CLIC2: variants seen among roughly 807,000 people sequenced by gnomAD.
The protein encoded by CLIC2 is chloride intracellular channel protein 2.
Under a neutral mutation model 14.8 loss-of-function variants are expected in CLIC2, and 9 were observed. The observed-to-expected ratio is 0.61, with a 90% confidence interval of 0.37 to 1.06. The LOEUF (loss-of-function observed/expected upper bound fraction) is 1.06. Among genes scored for constraint, CLIC2 ranks in the 50% least tolerant of loss-of-function variants. The pLI is 0.01. For synonymous variants in CLIC2, 61 were observed against 66.3 expected (o/e 0.92, Z 0.39); for missense variants, 148 against 181.4 (o/e 0.82, Z 1.06).
rs985062069 is a variant in CLIC2 at position 155,278,523 on chromosome X, G to A, written c.583-459C>T. On this transcript the variant is annotated intron_variant, in intron 5 of 5. Transcript: ENST00000369449. ...TTGGTTATTCCCTATTATGATCTAG[G>A]CACTGTTCTAAGCATTTTAAATGCT... Among the ~76,000 whole-genome samples, 45 of 112,110 alleles carry A rather than the reference G, an allele frequency of 4.0e-4. 1 individual carries two copies. Among genetic ancestry groups the A allele is most frequent in the African/African-American group, 1.4e-3 (42 of 30,882 alleles).
chrX:155,302,937 C>T (rs1340056522), intron 1 of CLIC2, among the ~76,000 whole-genome samples: 1 of 89,664 alleles, frequency 1.1e-5, no homozygotes, highest in East Asian at 3.7e-4. Context: ...GCACTGTGGT[C>T]TGAGAGATAG....
chrX:155,310,704 C>T (rs1178168557), intron 1 of CLIC2, among the ~76,000 whole-genome samples: 1 of 112,481 alleles, frequency 8.9e-6, no homozygotes, highest in Non-Finnish European at 1.9e-5. Flanking sequence ...CCCCACATTT[C>T]CCTTCCATAC....
intron 3 of CLIC2, among the ~76,000 whole-genome samples, chrX:155,297,746 C>G (rs1199742901): frequency 1.0e-5 from 1 of 98,928 alleles, no homozygotes; most frequent in Non-Finnish European, 2.0e-5. Flanking sequence ...CCCAGCTACT[C>G]GGGAGGCTGA....
intron 1 of CLIC2, among the ~76,000 whole-genome samples, chrX:155,332,268 A>G (rs1489908221): frequency 1.8e-5 from 2 of 111,700 alleles, no homozygotes; most frequent in Non-Finnish European, 3.8e-5. Context: ...ATGCCTTTTA[A>G]AAATTACTCA....
chrX:155,325,766 ATAT>A (rs1407186487), intron 1 of CLIC2, among the ~76,000 whole-genome samples: 62 of 17,251 alleles, frequency 3.6e-3, no homozygotes, highest in African/African-American at 0.024. Flanking sequence ...AATGTGATAT[ATAT>A]ATATATATAT....
intron 3 of CLIC2, among the ~76,000 whole-genome samples, chrX:155,282,725 A>G (rs1364619489): frequency 9.0e-6 from 1 of 110,874 alleles, no homozygotes; most frequent in Non-Finnish European, 1.9e-5. Flanking sequence ...CCTCTCCATC[A>G]CAAGACTAGC....
At chrX:155,299,194 T>A (rs782029089) in intron 1 of CLIC2, 49 bp from the exon 2 acceptor site, 2 of 985,070 alleles carry the variant, frequency 2.0e-6, no homozygotes, top group South Asian at 3.8e-5. Flanking sequence ...TCAATAAGTA[T>A]GTATTTAGTT....
At chrX:155,311,440 C>G (rs2075074068) in intron 1 of CLIC2, among the ~76,000 whole-genome samples, 1 of 111,534 alleles carries the variant, frequency 9.0e-6, no homozygotes, top group Non-Finnish European at 1.9e-5. Context: ...CCAGCAAGTT[C>G]CTCATCTCCA....
intron 3 of CLIC2, among the ~76,000 whole-genome samples, chrX:155,284,121 C>G (rs1224474566): frequency 1.8e-5 from 2 of 111,336 alleles, no homozygotes; most frequent in African/African-American, 6.5e-5. Flanking sequence ...CTAGTCTTCT[C>G]AGTTCTTTTG....
intron 3 of CLIC2, among the ~76,000 whole-genome samples, chrX:155,282,037 TC>T (rs1429176354): frequency 9.0e-6 from 1 of 111,226 alleles, no homozygotes; most frequent in African/African-American, 3.3e-5. Flanking sequence ...CATGATGTGA[TC>T]CCACCTTACC....
chrX:155,285,176 G>A (rs1157502756), intron 3 of CLIC2, among the ~76,000 whole-genome samples: 1 of 112,327 alleles, frequency 8.9e-6, no homozygotes, highest in Non-Finnish European at 1.9e-5. Flanking sequence ...CCGTTGTGGA[G>A]GGCCTTGTAA....
At chrX:155,293,282 A>G in intron 3 of CLIC2, 2 of 1,010,787 alleles carry the variant, frequency 2.0e-6, no homozygotes, top group Non-Finnish European at 2.8e-6. Context: ...GTACTGTCCA[A>G]CTCAGTTCCT....
chrX:155,292,688 T>G lies in CLIC2; in HGVS notation c.293+6097A>C, dbSNP rs60911223. On this transcript the variant is annotated intron_variant, in intron 3 of 5. Coordinates refer to ENST00000369449, the MANE Select transcript of CLIC2 (RefSeq NM_001289.6). ...GGGAGGCTGAGGCAGGAGAATGGCG[T>G]GAACCTGGGAGGCGGAGCTTGCAGT... 1,233 of 322,070 alleles carry G rather than the reference T, an allele frequency of 3.8e-3. 11 individuals carry two copies. The highest frequency in any genetic ancestry group is 0.033 in the African/African-American group (1,028 of 31,362). 26.5% of individuals were successfully genotyped at this position (322,070 alleles called of 1,213,427 possible).
At chrX:155,310,911 G>A (rs782756423) in intron 1 of CLIC2, among the ~76,000 whole-genome samples, 2 of 112,702 alleles carry the variant, frequency 1.8e-5, no homozygotes, top group South Asian at 3.6e-4. Context: ...CACAGCCTGA[G>A]CTATACTTTG....
At chrX:155,324,826 C>A (rs781829472) in intron 1 of CLIC2, among the ~76,000 whole-genome samples, 1 of 111,806 alleles carries the variant, frequency 8.9e-6, no homozygotes, top group East Asian at 2.8e-4. Flanking sequence ...AGTGATCAGG[C>A]AACCTACAGA....
At chrX:155,311,297 C>T (rs1337884785) in intron 1 of CLIC2, among the ~76,000 whole-genome samples, 1 of 111,846 alleles carries the variant, frequency 8.9e-6, no homozygotes, top group East Asian at 2.8e-4. Context: ...TGCTTTGCTG[C>T]TTAGAAATTT....
chrX:155,286,546 G>T (rs2074943655), intron 3 of CLIC2, among the ~76,000 whole-genome samples: 3 of 112,283 alleles, frequency 2.7e-5, no homozygotes. Flanking sequence ...GCTCTTTGAA[G>T]AATCACTACA....
At chrX:155,300,994 T>C (rs1430411058) in intron 1 of CLIC2, among the ~76,000 whole-genome samples, 2 of 55,170 alleles carry the variant, frequency 3.6e-5, no homozygotes, top group East Asian at 6.3e-4. Flanking sequence ...TGTAGTATAG[T>C]TTGAAGTCAG....
chrX:155,296,764 T>A (rs1307969229), intron 3 of CLIC2, among the ~76,000 whole-genome samples: 2 of 106,887 alleles, frequency 1.9e-5, no homozygotes, highest in Non-Finnish European at 3.9e-5. Flanking sequence ...TGAGATATCA[T>A]CTCACCTCAG....
Sources: gnomAD v4.1 joint callset for allele counts (sites outside exome capture counted in the v4.1 genomes callset) on GRCh38, gnomAD v4.1.1 for gene constraint, MANE v1.5 for transcripts, NCBI Gene and HGNC (gene_info 2026-07-23, HGNC 2026-07-21) for gene names.